GFRA1: variants seen among roughly 807,000 people sequenced by gnomAD.
The protein encoded by GFRA1 is GDNF family receptor alpha-1.
Under a neutral mutation model 51.6 loss-of-function variants are expected in GFRA1, and 16 were observed. The ratio of observed to expected loss-of-function variants is 0.31; its 90% CI spans 0.21 to 0.47. The LOEUF (loss-of-function observed/expected upper bound fraction) is 0.47, where lower values mean the gene tolerates loss of function less well. GFRA1 is among the 20% of genes least tolerant of loss of function. The pLI, the probability that GFRA1 is intolerant of heterozygous loss-of-function variation, is 1.00. For missense variants in GFRA1, 530 were observed against 594.3 expected, an observed-to-expected ratio of 0.89 and a Z score of 1.13; for synonymous variants, 270 against 241.3, an observed-to-expected ratio of 1.12 and a Z score of -1.10.
intron 5 of GFRA1, among the ~76,000 whole-genome samples, chr10:116,127,384 C>A (rs939011795): frequency 6.6e-6 from 1 of 152,190 alleles, no homozygotes; most frequent in Non-Finnish European, 1.5e-5. Context: ...TTTCAGAAAA[C>A]CCATATGTAA....
chr10:116,123,962 T>C (rs1957748199), intron 6 of GFRA1, among the ~76,000 whole-genome samples: 1 of 152,200 alleles, frequency 6.6e-6, no homozygotes, highest in Non-Finnish European at 1.5e-5. Context: ...TGTAGGTCAG[T>C]GGCATGATCT....
intron 4 of GFRA1, among the ~76,000 whole-genome samples, chr10:116,224,866 G>C (rs183534738): frequency 6.6e-6 from 1 of 152,290 alleles, no homozygotes; most frequent in East Asian, 1.9e-4. Context: ...CATTTCAAAT[G>C]ACTAGGAATG....
intron 9 of GFRA1, among the ~76,000 whole-genome samples, chr10:116,067,974 CTCAGT>C (rs1336374270): frequency 4.6e-5 from 7 of 152,234 alleles, no homozygotes; most frequent in African/African-American, 1.4e-4. Flanking sequence ...AAAGGAAAAG[CTCAGT>C]TTCTGGCCTT....
At chr10:116,239,239 A>G (rs1400532309) in intron 4 of GFRA1, among the ~76,000 whole-genome samples, 1 of 152,248 alleles carries the variant, frequency 6.6e-6, no homozygotes, top group African/African-American at 2.4e-5. Context: ...TATTTCTCAT[A>G]TATAGTCAAA....
chr10:116,270,655 T>C (rs977055819), intron 3 of GFRA1, among the ~76,000 whole-genome samples, 167 bp downstream of exon 3: 4 of 152,096 alleles, frequency 2.6e-5, no homozygotes, highest in Non-Finnish European at 5.9e-5. Context: ...ACAATGCTGG[T>C]CAGCCCAGCA....
intron 5 of GFRA1, among the ~76,000 whole-genome samples, chr10:116,152,132 G>A (rs1234044313): frequency 1.3e-5 from 2 of 152,228 alleles, no homozygotes; most frequent in Non-Finnish European, 2.9e-5. Context: ...CATCTGTGTG[G>A]AAAGGAGTTT....
In GFRA1 at chr10:116,082,305, C is replaced by CTAA. The variant is rs1955884408; in HGVS notation, c.1197+7433_1197+7435dup. ...CGGAGAGATGGAATTTGGATCAGTT[C>CTAA]TAATCCCTGAAGACCTAGTCCTTTT... is the stretch of plus-strand genomic sequence containing the variant. On this transcript the variant is annotated intron_variant, in intron 9 of 10. Transcript: ENST00000355422. Among the ~76,000 whole-genome samples, 10 of 152,102 alleles carry CTAA rather than the reference C, an allele frequency of 6.6e-5. No individual in the cohort carries two copies. The South Asian group carries it at 2.1e-3, about 32-fold the overall frequency.
At chr10:116,224,383 C>A (rs369996551) in intron 4 of GFRA1, among the ~76,000 whole-genome samples, 2 of 152,164 alleles carry the variant, frequency 1.3e-5, no homozygotes, top group South Asian at 4.1e-4. Flanking sequence ...ATGCAAAAAT[C>A]TGTACACAAG....
intron 5 of GFRA1, among the ~76,000 whole-genome samples, chr10:116,149,658 C>A (rs1015415082): frequency 6.6e-6 from 1 of 152,190 alleles, no homozygotes. Flanking sequence ...TGGACTCAGT[C>A]TATCTTAATG....
At chr10:116,118,532 T>C (rs1565588686) in intron 6 of GFRA1, among the ~76,000 whole-genome samples, 1 of 152,166 alleles carries the variant, frequency 6.6e-6, no homozygotes. Flanking sequence ...TTCACTTCCC[T>C]GCTCCTTGTC....
At chr10:116,197,196 G>T (rs1963952066) in intron 5 of GFRA1, among the ~76,000 whole-genome samples, 1 of 152,074 alleles carries the variant, frequency 6.6e-6, no homozygotes, top group African/African-American at 2.4e-5. Flanking sequence ...GGGGCTTTGG[G>T]AGGTGATTAA....
chr10:116,198,638 C>T lies in GFRA1; in HGVS notation c.433+12993G>A, dbSNP rs114953877. ...CTCTCTCCCAAGCCCTGGTTTCCTT[C>T]TGTTGCCAAATGTAAACTGGTTTCC... On this transcript the variant is annotated intron_variant, in intron 5 of 10. Coordinates refer to ENST00000355422, the MANE Select transcript of GFRA1 (RefSeq NM_005264.8). Among the ~76,000 whole-genome samples the T allele has an allele frequency of 9.6e-3, 1,468 of 152,312 alleles. 22 individuals are homozygous for T. The highest frequency in any genetic ancestry group is 0.033 in the African/African-American group (1,375 of 41,558).
chr10:116,236,490 G>C (rs1966882387), intron 4 of GFRA1, among the ~76,000 whole-genome samples: 1 of 152,110 alleles, frequency 6.6e-6, no homozygotes, highest in East Asian at 1.9e-4. Flanking sequence ...TATGGTCCCT[G>C]CCTCCCAGGA....
At chr10:116,253,610 A>G (rs898329767) in intron 4 of GFRA1, among the ~76,000 whole-genome samples, 1 of 128,438 alleles carries the variant, frequency 7.8e-6, no homozygotes, top group African/African-American at 3.8e-5. Flanking sequence ...TCTCTCTCAC[A>G]AGAGAAAAAA....
At chr10:116,105,811 T>C (rs1052305238) in intron 6 of GFRA1, among the ~76,000 whole-genome samples, 1 of 152,164 alleles carries the variant, frequency 6.6e-6, no homozygotes, top group Non-Finnish European at 1.5e-5. Context: ...ACAAGATAGA[T>C]GCTCAGAAGA....
At chr10:116,252,570 C>T (rs1968475112) in intron 4 of GFRA1, among the ~76,000 whole-genome samples, 1 of 152,112 alleles carries the variant, frequency 6.6e-6, no homozygotes, top group Non-Finnish European at 1.5e-5. Context: ...GTGGCATGTG[C>T]AAAGATACTG....
intron 5 of GFRA1, among the ~76,000 whole-genome samples, chr10:116,151,943 A>G (rs1405348740): frequency 6.6e-6 from 1 of 152,166 alleles, no homozygotes; most frequent in African/African-American, 2.4e-5. Flanking sequence ...ATCAGGGAAG[A>G]GCTCCCTGAG....
intron 4 of GFRA1, among the ~76,000 whole-genome samples, chr10:116,267,947 A>ACG (rs1010553756): frequency 4.5e-5 from 4 of 88,792 alleles, no homozygotes; most frequent in African/African-American, 1.4e-4. Flanking sequence ...ACTAACACAC[A>ACG]CACACACACA....
At chr10:116,192,052 T>C (rs531297746) in intron 5 of GFRA1, among the ~76,000 whole-genome samples, 131 of 152,172 alleles carry the variant, frequency 8.6e-4, no homozygotes, top group African/African-American at 2.9e-3. Context: ...ATAAAAAGGT[T>C]AGGAGTTGCC....
Sources: allele counts gnomAD v4.1 joint callset (sites outside exome capture counted in the v4.1 genomes callset), GRCh38; gene constraint gnomAD v4.1.1; transcripts MANE v1.5; gene names NCBI Gene and HGNC (gene_info 2026-07-23, HGNC 2026-07-21).